Variants in COL5A1 observed in about 807,000 individuals in gnomAD.
COL5A1 encodes collagen alpha-1(V) chain.
Under a neutral mutation model 263.7 loss-of-function variants are expected in COL5A1, and 16 were observed. That is an observed-to-expected ratio of 0.06 (90% CI 0.04 to 0.09). The LOEUF is 0.09. Among genes scored for constraint, COL5A1 ranks in the 10% least tolerant of loss-of-function variants. The pLI is 1.00. For synonymous variants in COL5A1, 1,012 were observed against 1,004.5 expected, an observed-to-expected ratio of 1.01 and a Z score of -0.14; for missense variants, 2,036 against 2,540.5, an observed-to-expected ratio of 0.80 and a Z score of 4.27.
chr9:134,703,335 C>T (rs189768589), intron 4 of COL5A1, among the ~76,000 whole-genome samples: 2 of 152,360 alleles, frequency 1.3e-5, no homozygotes, highest in East Asian at 3.9e-4. Flanking sequence ...AGGCAGGAGG[C>T]AGCTTCTGGG....
intron 1 of COL5A1, among the ~76,000 whole-genome samples, chr9:134,666,667 CA>C (rs966895215): frequency 1.3e-5 from 2 of 152,102 alleles, no homozygotes; most frequent in African/African-American, 4.8e-5. Context: ...CTTTCTCTAC[CA>C]GGGGGCTCCC....
intron 9 of COL5A1, 127 bp downstream of exon 9, chr9:134,732,254 C>A: frequency 1.1e-6 from 1 of 934,356 alleles, no homozygotes. Context: ...CTTCGAGCAA[C>A]CACCTGGTCT....
intron 48 of COL5A1, among the ~76,000 whole-genome samples, 166 bp from the exon 49 acceptor site, chr9:134,813,817 C>G (rs1838633246): frequency 6.6e-6 from 1 of 152,234 alleles, no homozygotes; most frequent in Non-Finnish European, 1.5e-5. Flanking sequence ...CCTCACGCAC[C>G]TCCAATTCTG....
intron 59 of COL5A1, among the ~76,000 whole-genome samples, chr9:134,822,697 C>T (rs1330312622): frequency 6.8e-6 from 1 of 147,626 alleles, no homozygotes; most frequent in Non-Finnish European, 1.5e-5. Flanking sequence ...CCTTCTGAGC[C>T]AGGACATGCT....
intron 61 of COL5A1, 57 bp from the exon 62 acceptor site, chr9:134,824,543 A>C: frequency 6.2e-7 from 1 of 1,607,902 alleles, no homozygotes; most frequent in Non-Finnish European, 8.5e-7. Context: ...CTCTGCTCAT[A>C]TCCTGGGACC....
chr9:134,764,370 AT>A (rs34943462), intron 20 of COL5A1, among the ~76,000 whole-genome samples: 13,992 of 118,818 alleles, frequency 0.12, 1,187 homozygotes, highest in East Asian at 0.3. Context: ...ATCTGAGTGC[AT>A]TGTGAGGGGT....
chr9:134,673,587 G>A (rs1344865831), intron 1 of COL5A1, among the ~76,000 whole-genome samples: 5 of 151,926 alleles, frequency 3.3e-5, no homozygotes, highest in Admixed American at 2.0e-4. Context: ...GTATTTAAAG[G>A]TAAGATTTAA....
At chr9:134,779,391 A>T (rs529409909) in intron 27 of COL5A1, among the ~76,000 whole-genome samples, 4 of 152,356 alleles carry the variant, frequency 2.6e-5, no homozygotes, top group African/African-American at 9.6e-5. Context: ...CCTGTTCAGC[A>T]GGGAGGTGGG....
chr9:134,656,518 C>T (rs1328977219), intron 1 of COL5A1, among the ~76,000 whole-genome samples: 3 of 152,170 alleles, frequency 2.0e-5, no homozygotes, highest in Non-Finnish European at 4.4e-5. Context: ...GCACCACCTA[C>T]CTGGACTGGC....
At chr9:134,744,556 C>T (rs1835414849) in intron 11 of COL5A1, among the ~76,000 whole-genome samples, 1 of 151,594 alleles carries the variant, frequency 6.6e-6, no homozygotes, top group Non-Finnish European at 1.5e-5. Flanking sequence ...CATGCACACA[C>T]ATCCACATAT....
chr9:134,813,193 CGTGT>C (rs976490640), intron 48 of COL5A1, among the ~76,000 whole-genome samples: 1 of 149,782 alleles, frequency 6.7e-6, no homozygotes, highest in Non-Finnish European at 1.5e-5. Flanking sequence ...TGGACCCAGT[CGTGT>C]GTGTGTGTGT....
chr9:134,707,673 T>C (rs1181198348), intron 4 of COL5A1, among the ~76,000 whole-genome samples: 4 of 152,212 alleles, frequency 2.6e-5, no homozygotes, highest in Admixed American at 6.5e-5. Flanking sequence ...ACGTTTGCTG[T>C]AACTTCCCAG....
chr9:134,691,472 C>G (rs1833277422), intron 2 of COL5A1: 2 of 260,514 alleles, frequency 7.7e-6, no homozygotes, highest in African/African-American at 4.4e-5. Flanking sequence ...CAGACAGAAG[C>G]TTAACCAGGG....
At chr9:134,743,870 A>G (rs1835378083) in intron 11 of COL5A1, among the ~76,000 whole-genome samples, 1 of 152,160 alleles carries the variant, frequency 6.6e-6, no homozygotes, top group South Asian at 2.1e-4. Flanking sequence ...CATGCCCTGA[A>G]AAACAGCAGT....
chr9:134,702,524 C>T (rs895021896), intron 4 of COL5A1, among the ~76,000 whole-genome samples: 2 of 152,182 alleles, frequency 1.3e-5, no homozygotes, highest in African/African-American at 4.8e-5. Context: ...CGTGTTGACT[C>T]AATCTTGGTG....
At chr9:134,798,263 C>A (rs573539930) in intron 36 of COL5A1, 145 bp from the exon 37 acceptor site, 1 of 768,754 alleles carries the variant, frequency 1.3e-6, no homozygotes, top group East Asian at 2.7e-5. Flanking sequence ...TCACTGTCCC[C>A]GTGCCTGCCA....
chr9:134,798,558 C>T, intron 37 of COL5A1, 97 bp downstream of exon 37: 1 of 1,127,324 alleles, frequency 8.9e-7, no homozygotes, highest in South Asian at 1.3e-5. Context: ...CTAGGACCCT[C>T]CTGGCCTGGG....
intron 1 of COL5A1, among the ~76,000 whole-genome samples, chr9:134,666,513 A>G (rs986033938): frequency 5.9e-5 from 9 of 152,186 alleles, no homozygotes; most frequent in African/African-American, 2.2e-4. Context: ...ACTCGTTCTC[A>G]AAGGCACACA....
Position 134,730,433 on chromosome 9 carries a change from C to T in COL5A1, c.1122C>T (p.Ala374=), listed in dbSNP as rs758640551. The T allele has an allele frequency of 2.2e-5, 35 of 1,613,998 alleles. No homozygotes were observed. The highest frequency in any genetic ancestry group is 6.7e-5 in the East Asian group (3 of 44,904). Residue 374 remains alanine (A), a synonymous_variant, in exon 7 of 66, where the codon GCC becomes GCT. Coordinates refer to ENST00000371817, the MANE Select transcript of COL5A1 (RefSeq NM_000093.5). ...AGCCCACAGACCCAGGCGCTGGGGC[C>T]GAAATTCCCACCAGCACCGCCGACA... ...PDQPTDPGAG[A]EIPTSTADTS...
Sources: allele counts gnomAD v4.1 joint callset (sites outside exome capture counted in the v4.1 genomes callset), GRCh38; gene constraint gnomAD v4.1.1; transcripts MANE v1.5; gene names NCBI Gene and HGNC (gene_info 2026-07-23, HGNC 2026-07-21).